The following CLRN1 variants were observed in gnomAD, a reference collection of about 807,000 sequenced individuals.
The protein encoded by CLRN1 is clarin 1.
Under a neutral mutation model 18.7 loss-of-function variants are expected in CLRN1, and 15 were observed. The ratio of observed to expected loss-of-function variants is 0.80; its 90% CI spans 0.54 to 1.23. The LOEUF (loss-of-function observed/expected upper bound fraction) is 1.23. Among genes scored for constraint, CLRN1 ranks in the 50% most tolerant of loss-of-function variants. The probability of loss-of-function intolerance (pLI) is 0.00; values close to 1 mark genes in which losing one functional copy is unlikely to be tolerated. For synonymous variants in CLRN1, 104 were observed against 102.9 expected, an observed-to-expected ratio of 1.01 and a Z score of -0.07; for missense variants, 311 against 277.5, an observed-to-expected ratio of 1.12 and a Z score of -0.86.
intron 2 of CLRN1, among the ~76,000 whole-genome samples, chr3:150,931,971 A>G (rs1464378441): frequency 6.6e-6 from 1 of 152,178 alleles, no homozygotes; most frequent in Non-Finnish European, 1.5e-5. Context: ...TTTGCTGCCC[A>G]GTGTCTTACT....
At chr3:150,943,810 G>A in intron 1 of CLRN1, 2 of 1,614,120 alleles carry the variant, frequency 1.2e-6, no homozygotes, top group Non-Finnish European at 8.5e-7. Flanking sequence ...GGGGTTGCAG[G>A]CACCCCTACC....
At chr3:150,932,567 C>G (rs1024553594) in intron 2 of CLRN1, among the ~76,000 whole-genome samples, 1 of 152,176 alleles carries the variant, frequency 6.6e-6, no homozygotes, top group African/African-American at 2.4e-5. Context: ...AGGGGCATTT[C>G]ATTGCCAATA....
intron 2 of CLRN1, among the ~76,000 whole-genome samples, chr3:150,937,005 T>C (rs989465636): frequency 2.0e-5 from 3 of 152,180 alleles, no homozygotes; most frequent in Admixed American, 2.0e-4. Flanking sequence ...ATCTTTCTCT[T>C]TCATAGCAAC....
At chr3:150,933,274 A>G (rs897408847) in intron 2 of CLRN1, among the ~76,000 whole-genome samples, 2 of 152,170 alleles carry the variant, frequency 1.3e-5, no homozygotes, top group African/African-American at 4.8e-5. Context: ...GATGGAGACA[A>G]TGGAAAGGGA....
chr3:150,954,746 C>T (rs992954827), intron 1 of CLRN1, among the ~76,000 whole-genome samples: 1 of 152,226 alleles, frequency 6.6e-6, no homozygotes, highest in African/African-American at 2.4e-5. Context: ...TCTAGGTTTA[C>T]ATTTACACCT....
Position 150,946,566 on chromosome 3 carries a change from T to A in CLRN1, c.254-4805A>T, listed in dbSNP as rs565813929. 2.9e-4 allele frequency among the ~76,000 whole-genome samples: 43 copies of A among 146,738 alleles called. 1 individual carries two copies. In the South Asian group the frequency reaches 8.9e-3, roughly 31 times the overall value. ...AATGAATACAAAAATACTTTTTTTT[T>A]AATAATTGGAAGGATAAACGAAGAC... is the stretch of plus-strand genomic sequence containing the variant. On this transcript the variant is annotated intron_variant, in intron 1 of 2. Transcript: ENST00000327047.
chr3:150,929,762 T>C (rs1309457759), intron 2 of CLRN1, among the ~76,000 whole-genome samples: 1 of 152,214 alleles, frequency 6.6e-6, no homozygotes, highest in Admixed American at 6.5e-5. Context: ...CAATGTCAAA[T>C]TAGGTATTTT....
At chr3:150,953,467 A>G (rs1714589351) in intron 1 of CLRN1, among the ~76,000 whole-genome samples, 1 of 152,158 alleles carries the variant, frequency 6.6e-6, no homozygotes, top group Non-Finnish European at 1.5e-5. Context: ...TTCAAACAGC[A>G]ATAATGCAAG....
intron 1 of CLRN1, among the ~76,000 whole-genome samples, chr3:150,958,030 C>T (rs1219019898): frequency 3.3e-5 from 5 of 152,294 alleles, no homozygotes; most frequent in South Asian, 4.1e-4. Flanking sequence ...CAACTACTGC[C>T]GCTAATCTGC....
chr3:150,935,692 T>C (rs1713439696), intron 2 of CLRN1, among the ~76,000 whole-genome samples: 2 of 151,654 alleles, frequency 1.3e-5, no homozygotes, highest in Non-Finnish European at 2.9e-5. Context: ...ATGGTATTTC[T>C]AGTTCTAGAT....
At chr3:150,954,320 A>G (rs1379010860) in intron 1 of CLRN1, among the ~76,000 whole-genome samples, 4 of 152,232 alleles carry the variant, frequency 2.6e-5, no homozygotes, top group African/African-American at 9.6e-5. Context: ...AGTGGTAGCC[A>G]TTTAATAGAT....
At chr3:150,958,236 C>T (rs1396574212) in intron 1 of CLRN1, among the ~76,000 whole-genome samples, 1 of 152,152 alleles carries the variant, frequency 6.6e-6, no homozygotes, top group Non-Finnish European at 1.5e-5. Context: ...TCAGTAGAAA[C>T]CTGGGTTCAT....
rs753980939 is a variant in CLRN1, at chr3:150,941,753, C to G, written c.262G>C (p.Asp88His). The part of the protein sequence containing the change: ...ARPFRFSFFP[D>H]LLKAIPVSIH... ...CTCACTGGGATTGCTTTGAGCAAAT[C>G]TGGAAAAACTGAAGATAAGACAAAA... The change falls in exon 2 of 3, where the codon GAT becomes CAT. Residue 88 changes from aspartate to histidine, a missense_variant. Asp to His is a moderately conservative substitution (Grantham distance 81, BLOSUM62 -1). Transcript: ENST00000327047. 10 of 1,613,880 alleles carry G rather than the reference C, an allele frequency of 6.2e-6. No homozygotes were observed. The highest frequency in any genetic ancestry group is 7.6e-6 in the Non-Finnish European group (9 of 1,179,852).
rs1713749116 is a variant in CLRN1, at chr3:150,940,444, A to G, written c.433+1138T>C. On this transcript the variant is annotated intron_variant, in intron 2 of 2. Coordinates refer to ENST00000327047, the MANE Select transcript of CLRN1 (RefSeq NM_174878.3). Reference sequence around the variant, plus strand: ...ACGTTTGTGGTTGGGGTTGAATTGTATGAGAGAAGGGAGTAGTGTCAAGAG... The same window carrying G: ...ACGTTTGTGGTTGGGGTTGAATTGTGTGAGAGAAGGGAGTAGTGTCAAGAG... 5.2e-6 allele frequency: 8 copies of G among 1,526,044 alleles called. No individual in the cohort carries two copies. In the South Asian group the frequency reaches 8.4e-5, roughly 16 times the overall value. 94.5% of individuals were successfully genotyped at this position (1,526,044 alleles called of 1,614,324 possible).
At position 150,928,197 on chromosome 3, in the gene CLRN1, G is replaced by A; in HGVS notation, c.438C>T (p.Ser146=). Residue 146 remains serine, a synonymous_variant, in exon 3 of 3, where the codon TCC becomes TCT. Transcript: ENST00000327047. ...ACAATATCATGACAAGACAGCCACA[G>A]GAGCCTGCAACAGAAGAAACAAGGT... ...GLYLLSFISG[S]CGCLVMILFA... 6.2e-7 allele frequency: 1 copy of A among 1,614,042 alleles called. No homozygotes were observed. The highest frequency in any genetic ancestry group is 8.5e-7 in the Non-Finnish European group (1 of 1,180,000).
At chr3:150,941,952 A>G (rs1713873535) in intron 1 of CLRN1, among the ~76,000 whole-genome samples, 191 bp from the exon 2 acceptor site, 1 of 152,252 alleles carries the variant, frequency 6.6e-6, no homozygotes, top group Non-Finnish European at 1.5e-5. Context: ...TATAGAGTTT[A>G]CCAGTAAAAA....
chr3:150,943,960 T>G, intron 1 of CLRN1: 1 of 1,558,918 alleles, frequency 6.4e-7, no homozygotes, highest in Non-Finnish European at 8.8e-7. Context: ...GTACCCCTGT[T>G]GGGAGTCCCA....
At chr3:150,972,396 C>T (rs1280989525) in intron 1 of CLRN1, 60 bp downstream of exon 1, 16 of 1,611,456 alleles carry the variant, frequency 9.9e-6, no homozygotes, top group Middle Eastern at 1.6e-4. Flanking sequence ...TATAATTCCT[C>T]GCAACACTGG....
chr3:150,971,724 G>A (rs80222359), intron 1 of CLRN1, among the ~76,000 whole-genome samples: 3,523 of 152,238 alleles, frequency 0.023, 102 homozygotes, highest in East Asian at 0.15. Flanking sequence ...TTAATGAGTT[G>A]CCTATTCACA....
Sources: allele counts gnomAD v4.1 joint callset (sites outside exome capture counted in the v4.1 genomes callset), GRCh38; gene constraint gnomAD v4.1.1; transcripts MANE v1.5; gene names NCBI Gene and HGNC (gene_info 2026-07-23, HGNC 2026-07-21).